EYS: variants seen among roughly 807,000 people sequenced by gnomAD.
EYS encodes the protein protein eyes shut homolog.
Under a neutral mutation model 282.1 loss-of-function variants are expected in EYS, and 250 were observed. The observed-to-expected ratio is 0.89, with a 90% CI of 0.80 to 0.98. EYS has a LOEUF of 0.98. Among genes scored for constraint, EYS ranks in the 50% least tolerant of loss-of-function variants. EYS has a pLI of 0.00. For missense variants in EYS, 4,016 were observed against 3,709.0 expected (o/e 1.08, Z -2.15); for synonymous variants, 1,355 against 1,282.9 (o/e 1.06, Z -1.20).
At chr6:63,974,001 A>G (rs192248244) in intron 35 of EYS, among the ~76,000 whole-genome samples, 3 of 152,262 alleles carry the variant, frequency 2.0e-5, no homozygotes, top group Admixed American at 6.5e-5. Flanking sequence ...TTACTACTCA[A>G]CCAAAAGGAT....
chr6:64,529,044 C>A (rs1337518), intron 26 of EYS, among the ~76,000 whole-genome samples: 39,330 of 151,818 alleles, frequency 0.26, 5,592 homozygotes, highest in East Asian at 0.36. Flanking sequence ...GATCCTAAAA[C>A]GGTTTATATG....
chr6:63,936,343 T>C (rs993762302), intron 35 of EYS, among the ~76,000 whole-genome samples: 1 of 152,250 alleles, frequency 6.6e-6, no homozygotes, highest in African/African-American at 2.4e-5. Context: ...CTCTATTACA[T>C]GTATAGGAAT....
intron 12 of EYS, among the ~76,000 whole-genome samples, chr6:65,136,126 A>T (rs1157756815): frequency 6.6e-6 from 1 of 152,050 alleles, no homozygotes; most frequent in Non-Finnish European, 1.5e-5. Flanking sequence ...TTGAATTATA[A>T]GTCAAATGTA....
intron 30 of EYS, among the ~76,000 whole-genome samples, chr6:64,246,735 A>T (rs2150346281): frequency 6.6e-6 from 1 of 152,294 alleles, no homozygotes; most frequent in Non-Finnish European, 1.5e-5. Flanking sequence ...GTTCTAATCC[A>T]TAGATACATT....
intron 2 of EYS, among the ~76,000 whole-genome samples, chr6:65,592,750 A>G (rs1562276629): frequency 6.6e-6 from 1 of 152,036 alleles, no homozygotes; most frequent in Non-Finnish European, 1.5e-5. Context: ...ACATATCCTT[A>G]AAATTTATCT....
intron 22 of EYS, among the ~76,000 whole-genome samples, chr6:64,745,343 G>A (rs1772520341): frequency 6.6e-6 from 1 of 152,070 alleles, no homozygotes; most frequent in African/African-American, 2.4e-5. Context: ...TAGGTGAATA[G>A]TGAATTAAAA....
At chr6:64,997,453 C>A in intron 14 of EYS, 129 bp downstream of exon 14, 1 of 812,914 alleles carries the variant, frequency 1.2e-6, no homozygotes, top group Non-Finnish European at 1.8e-6. Flanking sequence ...TGTTTTCTAA[C>A]CTTGAGAAGT....
intron 24 of EYS, among the ~76,000 whole-genome samples, chr6:64,594,611 T>C (rs992265912): frequency 2.1e-5 from 3 of 146,262 alleles, no homozygotes; most frequent in African/African-American, 5.1e-5. Flanking sequence ...AAACACTGCA[T>C]GTTCTTACTC....
chr6:64,199,138 A>T (rs1481758432), intron 31 of EYS, among the ~76,000 whole-genome samples: 1 of 152,158 alleles, frequency 6.6e-6, no homozygotes, highest in Non-Finnish European at 1.5e-5. Flanking sequence ...GACAACCCTA[A>T]GCAAAAAGAA....
At chr6:64,143,407 TTAG>T (rs1171912164) in intron 31 of EYS, among the ~76,000 whole-genome samples, 1 of 150,960 alleles carries the variant, frequency 6.6e-6, no homozygotes, top group Admixed American at 6.6e-5. Context: ...TGAGGTATTC[TTAG>T]TAGAGGAGCT....
At chr6:64,346,399 G>T (rs554724962) in intron 29 of EYS, among the ~76,000 whole-genome samples, 1 of 151,992 alleles carries the variant, frequency 6.6e-6, no homozygotes, top group African/African-American at 2.4e-5. Flanking sequence ...CATGTCCTTT[G>T]TAGGGACATG....
chr6:64,902,571 A>T, intron 16 of EYS, 71 bp from the exon 17 acceptor site: 1 of 866,326 alleles, frequency 1.2e-6, no homozygotes, highest in East Asian at 2.9e-5. Context: ...AATCAGTGGT[A>T]GTCTAAAGAA....
intron 13 of EYS, among the ~76,000 whole-genome samples, chr6:65,021,669 C>T (rs1030112994): frequency 1.3e-5 from 2 of 152,188 alleles, no homozygotes; most frequent in Admixed American, 6.5e-5. Context: ...TAGAGCAGCA[C>T]CTCATTACCC....
rs540385421 is a variant in EYS, at chr6:64,997,499, G to C, written c.2259+83C>G. 3.0e-6 allele frequency: 4 copies of C among 1,328,286 alleles called. No homozygotes were observed. The South Asian group carries it at 5.6e-5, about 19-fold the overall frequency. The allele number at this position is 1,328,286 out of a possible 1,614,324, so 82.3% of individuals were successfully genotyped here. The stretch of plus-strand genomic sequence containing the variant: ...AATATATATACTAACCTAACACACA[G>C]GCAAAAACTCACTCTATTTGTACAT... On this transcript the variant is annotated intron_variant, in intron 14 of 42. Coordinates refer to ENST00000503581, the MANE Select transcript of EYS (RefSeq NM_001142800.2).
intron 24 of EYS, among the ~76,000 whole-genome samples, chr6:64,614,000 G>C (rs937083609): frequency 1.3e-5 from 2 of 149,782 alleles, no homozygotes. Flanking sequence ...AGGGAATGGG[G>C]TACAGAGAAG....
chr6:65,261,767 A>AT (rs1228382107), intron 12 of EYS, among the ~76,000 whole-genome samples: 4 of 151,908 alleles, frequency 2.6e-5, no homozygotes, highest in Non-Finnish European at 5.9e-5. Flanking sequence ...TTTTAACTGT[A>AT]TTTTTTCTTT....
rs1582402798 is a variant in EYS, at chr6:65,515,492, G to A, written c.-332-19499C>T. Among the ~76,000 whole-genome samples the A allele has an allele frequency of 3.3e-5, 5 of 151,072 alleles. No individual in the cohort carries two copies. The South Asian group carries it at 6.3e-4, about 19-fold the overall frequency. On this transcript the variant is annotated intron_variant, in intron 2 of 42. Transcript: ENST00000503581. ...TGCTGCTATAAAGACACATGCACAC[G>A]TATGTTTATTGCGGCACTATTCACA...
intron 33 of EYS, among the ~76,000 whole-genome samples, chr6:64,052,679 C>A (rs1770848063): frequency 6.6e-6 from 1 of 152,090 alleles, no homozygotes; most frequent in Admixed American, 6.6e-5. Context: ...TTGTAATAAT[C>A]CTCACGTGTT....
intron 30 of EYS, among the ~76,000 whole-genome samples, chr6:64,293,704 G>A (rs574269441): frequency 1.3e-5 from 2 of 152,118 alleles, no homozygotes; most frequent in African/African-American, 4.8e-5. Context: ...CCATATTGAT[G>A]CATAGAGATG....
Sources: allele counts gnomAD v4.1 joint callset (sites outside exome capture counted in the v4.1 genomes callset), GRCh38; gene constraint gnomAD v4.1.1; transcripts MANE v1.5; gene names NCBI Gene and HGNC (gene_info 2026-07-23, HGNC 2026-07-21).